Variants in DLGAP2 observed in about 807,000 individuals in gnomAD.
The protein encoded by DLGAP2 is DLG associated protein 2.
A neutral mutation model predicts 100.3 loss-of-function variants in DLGAP2; 26 were observed. The ratio of observed to expected loss-of-function variants is 0.26; its 90% CI spans 0.19 to 0.36. The LOEUF is 0.36. Among genes scored for constraint, DLGAP2 ranks in the 10% least tolerant of loss-of-function variants. The probability of loss-of-function intolerance (pLI) is 1.00; values close to 1 mark genes in which losing one functional copy is unlikely to be tolerated. For synonymous variants in DLGAP2, 886 were observed against 630.1 expected, an observed-to-expected ratio of 1.41 and a Z score of -6.08; for missense variants, 1,858 against 1,453.2, an observed-to-expected ratio of 1.28 and a Z score of -4.53.
chr8:1,063,561 A>G (rs1430227906), intron 2 of DLGAP2, among the ~76,000 whole-genome samples: 2 of 151,644 alleles, frequency 1.3e-5, no homozygotes, highest in Admixed American at 6.6e-5. Context: ...CCTCGTGCAA[A>G]AATATGCACC....
At chr8:1,322,572 G>A (rs1394795911) in intron 3 of DLGAP2, among the ~76,000 whole-genome samples, 7 of 151,602 alleles carry the variant, frequency 4.6e-5, no homozygotes, top group African/African-American at 1.2e-4. Context: ...GATTTCACAC[G>A]TATTGTTCCA....
At chr8:1,427,430 C>G (rs1230631666) in intron 3 of DLGAP2, among the ~76,000 whole-genome samples, 1 of 152,180 alleles carries the variant, frequency 6.6e-6, no homozygotes, top group Non-Finnish European at 1.5e-5. Context: ...GCTACTCCCT[C>G]ATAATGTAAT....
At chr8:1,449,015 C>T (rs2130099723) in intron 3 of DLGAP2, among the ~76,000 whole-genome samples, 1 of 152,344 alleles carries the variant, frequency 6.6e-6, no homozygotes, top group African/African-American at 2.4e-5. Context: ...GAGCTGTAGG[C>T]TGTGATGGGG....
intron 13 of DLGAP2, among the ~76,000 whole-genome samples, chr8:1,695,999 G>A (rs746287677): frequency 3.9e-5 from 6 of 152,238 alleles, no homozygotes; most frequent in East Asian, 1.9e-4. Context: ...TCAGCCGCGC[G>A]GAGGGCAGCT....
intron 2 of DLGAP2, among the ~76,000 whole-genome samples, chr8:1,205,169 C>T (rs1388269024): frequency 2.6e-5 from 4 of 152,206 alleles, no homozygotes; most frequent in Non-Finnish European, 5.9e-5. Flanking sequence ...GCGTTTTTTC[C>T]TCTCCTAAGA....
intron 4 of DLGAP2, among the ~76,000 whole-genome samples, chr8:1,512,074 A>G (rs1373371003): frequency 1.3e-5 from 2 of 152,198 alleles, no homozygotes; most frequent in Admixed American, 6.5e-5. Flanking sequence ...CCTGTGACGC[A>G]TCAGCCCAGG....
chr8:1,286,897 T>G (rs1673636325), intron 3 of DLGAP2, among the ~76,000 whole-genome samples: 1 of 152,240 alleles, frequency 6.6e-6, no homozygotes, highest in Non-Finnish European at 1.5e-5. Flanking sequence ...CTCAGTAGAA[T>G]GAGAACGTTA....
intron 3 of DLGAP2, among the ~76,000 whole-genome samples, chr8:1,314,739 G>T (rs145651712): frequency 6.6e-6 from 1 of 152,302 alleles, no homozygotes; most frequent in African/African-American, 2.4e-5. Context: ...GAGGACTTTC[G>T]GGGGTCTCCC....
chr8:1,447,296 A>AG (rs1378573044), intron 3 of DLGAP2, among the ~76,000 whole-genome samples: 5 of 152,156 alleles, frequency 3.3e-5, no homozygotes, highest in African/African-American at 4.8e-5. Flanking sequence ...TTTAGCATGA[A>AG]GGTTGTTGAA....
intron 1 of DLGAP2, among the ~76,000 whole-genome samples, chr8:842,975 T>C (rs1044376468): frequency 2.6e-5 from 4 of 152,212 alleles, no homozygotes; most frequent in African/African-American, 7.2e-5. Flanking sequence ...TAGTTTTGAC[T>C]CACTTTGTGG....
At chr8:821,137 C>T (rs1350232026) in intron 1 of DLGAP2, among the ~76,000 whole-genome samples, 1 of 152,150 alleles carries the variant, frequency 6.6e-6, no homozygotes, top group Non-Finnish European at 1.5e-5. Context: ...AATTTTCTTA[C>T]CTTATTAGAA....
chr8:1,326,357 A>G (rs1801020576), intron 3 of DLGAP2, among the ~76,000 whole-genome samples: 1 of 152,232 alleles, frequency 6.6e-6, no homozygotes, highest in Admixed American at 6.5e-5. Context: ...GTACTTTAAT[A>G]TCACTTCACA....
chr8:869,266 G>A (rs544331537), intron 1 of DLGAP2, among the ~76,000 whole-genome samples: 16 of 152,060 alleles, frequency 1.1e-4, no homozygotes, highest in South Asian at 8.3e-4. Context: ...TTCTGTTACT[G>A]TTAAGCTGTT....
intron 3 of DLGAP2, among the ~76,000 whole-genome samples, chr8:1,391,337 G>C (rs1796347137): frequency 6.6e-6 from 1 of 152,178 alleles, no homozygotes; most frequent in Admixed American, 6.5e-5. Flanking sequence ...AGAACGACCT[G>C]GCAGTACCCA....
At chr8:1,626,239 A>G (rs188885946) in intron 6 of DLGAP2, among the ~76,000 whole-genome samples, 43 of 63,372 alleles carry the variant, frequency 6.8e-4, no homozygotes, top group African/African-American at 3.4e-3. Flanking sequence ...TCCCATCTCT[A>G]CCCTGCAGCG....
At chr8:1,270,067 T>C (rs892111215) in intron 3 of DLGAP2, among the ~76,000 whole-genome samples, 1 of 152,172 alleles carries the variant, frequency 6.6e-6, no homozygotes. Flanking sequence ...TCTTTTCCCA[T>C]TTCCCTTGGG....
intron 3 of DLGAP2, among the ~76,000 whole-genome samples, chr8:1,433,233 G>A (rs530330383): frequency 3.3e-5 from 5 of 152,194 alleles, no homozygotes; most frequent in Non-Finnish European, 7.3e-5. Flanking sequence ...AGTCACTGAA[G>A]ATGCTTCCTG....
chr8:1,199,481 G>T (rs568072060), intron 2 of DLGAP2, among the ~76,000 whole-genome samples: 2 of 152,246 alleles, frequency 1.3e-5, no homozygotes, highest in African/African-American at 4.8e-5. Flanking sequence ...CACAGTAAAG[G>T]CACAGGCAGT....
At chr8:788,816 A>C (rs943166510) in intron 1 of DLGAP2, among the ~76,000 whole-genome samples, 1 of 152,142 alleles carries the variant, frequency 6.6e-6, no homozygotes, top group African/African-American at 2.4e-5. Flanking sequence ...ACTTTATCGA[A>C]AGGTTAATGC....
Sources: allele counts gnomAD v4.1 joint callset (sites outside exome capture counted in the v4.1 genomes callset), GRCh38; gene constraint gnomAD v4.1.1; transcripts MANE v1.5; gene names NCBI Gene and HGNC (gene_info 2026-07-23, HGNC 2026-07-21).